Variants in NKAIN2 observed in about 807,000 individuals in gnomAD.
NKAIN2 encodes the protein sodium/potassium transporting ATPase interacting 2.
A neutral mutation model predicts 32.6 loss-of-function variants in NKAIN2; 14 were observed. That is an observed-to-expected ratio of 0.43 (90% confidence interval 0.28 to 0.67). NKAIN2 has a LOEUF of 0.67. Ranked by LOEUF, NKAIN2 falls within the 30% of genes least tolerant of loss-of-function variation. The pLI is 0.17. For synonymous variants in NKAIN2, 80 were observed against 87.2 expected, an observed-to-expected ratio of 0.92 and a Z score of 0.46; for missense variants, 198 against 258.3, an observed-to-expected ratio of 0.77 and a Z score of 1.60.
chr6:124,105,085 A>G (rs1785056738), intron 1 of NKAIN2, among the ~76,000 whole-genome samples: 1 of 152,220 alleles, frequency 6.6e-6, no homozygotes, highest in South Asian at 2.1e-4. Flanking sequence ...TAAAGAATGA[A>G]GTCTGTCATA....
chr6:124,579,212 A>C (rs1781437235), intron 3 of NKAIN2, among the ~76,000 whole-genome samples: 1 of 152,180 alleles, frequency 6.6e-6, no homozygotes, highest in African/African-American at 2.4e-5. Flanking sequence ...AACATCCACA[A>C]GCATCATGAC....
rs187023707 is a variant in NKAIN2, at chr6:124,806,165, G to C, written c.536-12222G>C. On this transcript the variant is annotated intron_variant, in intron 5 of 6. Coordinates refer to ENST00000368417, the MANE Select transcript of NKAIN2 (RefSeq NM_001040214.3). Reference sequence around the variant, plus strand: ...ACCACAAAGATACTCCTCGAGAAGAGCAACTCCAAGACATATAATTGTCAG... The same window carrying C: ...ACCACAAAGATACTCCTCGAGAAGACCAACTCCAAGACATATAATTGTCAG... Among the ~76,000 whole-genome samples the C allele has an allele frequency of 2.6e-5, 4 of 152,168 alleles. No homozygotes were observed. The East Asian group carries it at 7.7e-4, about 29-fold the overall frequency.
chr6:124,770,125 A>G (rs567018995), intron 4 of NKAIN2, among the ~76,000 whole-genome samples: 2 of 152,322 alleles, frequency 1.3e-5, no homozygotes, highest in Non-Finnish European at 2.9e-5. Context: ...TTGCTTTAAC[A>G]GGAGAAAAGG....
chr6:124,260,256 A>G (rs1373680670), intron 1 of NKAIN2, among the ~76,000 whole-genome samples: 1 of 152,202 alleles, frequency 6.6e-6, no homozygotes, highest in Non-Finnish European at 1.5e-5. Flanking sequence ...AGGAGCTTAC[A>G]TCCTAGTGGG....
intron 1 of NKAIN2, among the ~76,000 whole-genome samples, chr6:124,012,282 T>A (rs1342864952): frequency 6.6e-6 from 1 of 152,014 alleles, no homozygotes; most frequent in Non-Finnish European, 1.5e-5. Flanking sequence ...TTCTAGGATT[T>A]TATATAAATA....
At chr6:124,556,555 A>C (rs929640991) in intron 3 of NKAIN2, among the ~76,000 whole-genome samples, 1 of 152,232 alleles carries the variant, frequency 6.6e-6, no homozygotes, top group South Asian at 2.1e-4. Flanking sequence ...CCACCATTGG[A>C]TGATGCTCAC....
intron 3 of NKAIN2, among the ~76,000 whole-genome samples, chr6:124,374,230 CTT>C: frequency 6.6e-6 from 1 of 151,848 alleles, no homozygotes; most frequent in African/African-American, 2.4e-5. Context: ...TTAGGAAACT[CTT>C]TTAATTGCTT....
chr6:124,591,904 G>A (rs1781927280), intron 3 of NKAIN2, among the ~76,000 whole-genome samples: 1 of 152,142 alleles, frequency 6.6e-6, no homozygotes, highest in Non-Finnish European at 1.5e-5. Context: ...GAAGAGGAAA[G>A]AATTGAGCAG....
chr6:124,659,669 A>G (rs540204591), intron 4 of NKAIN2, among the ~76,000 whole-genome samples: 1 of 152,264 alleles, frequency 6.6e-6, no homozygotes, highest in South Asian at 2.1e-4. Flanking sequence ...AGTAGCCAGT[A>G]TCTCCATCAT....
At chr6:124,066,323 A>G (rs1021638989) in intron 1 of NKAIN2, among the ~76,000 whole-genome samples, 2 of 152,146 alleles carry the variant, frequency 1.3e-5, no homozygotes, top group African/African-American at 4.8e-5. Flanking sequence ...GAGCCATGTT[A>G]TCAAGCATTG....
chr6:124,306,860 G>T (rs1796523747), intron 2 of NKAIN2, among the ~76,000 whole-genome samples: 1 of 152,090 alleles, frequency 6.6e-6, no homozygotes, highest in African/African-American at 2.4e-5. Flanking sequence ...ATGCAAGTAA[G>T]CTAAACAATA....
chr6:124,004,707 G>A (rs778169136), intron 1 of NKAIN2, among the ~76,000 whole-genome samples: 2 of 151,782 alleles, frequency 1.3e-5, no homozygotes, highest in Non-Finnish European at 2.9e-5. Context: ...ACCGGGGCCT[G>A]TCAGGTGGTG....
chr6:124,340,728 G>A (rs748253646), intron 2 of NKAIN2, among the ~76,000 whole-genome samples: 3 of 152,062 alleles, frequency 2.0e-5, no homozygotes, highest in Non-Finnish European at 2.9e-5. Context: ...TAACGTTCAA[G>A]TTTCTAATTT....
At chr6:124,585,127 CA>C (rs1317172435) in intron 3 of NKAIN2, among the ~76,000 whole-genome samples, 1 of 152,018 alleles carries the variant, frequency 6.6e-6, no homozygotes, top group African/African-American at 2.4e-5. Flanking sequence ...TGTTCAGCCA[CA>C]AAAAAGAATA....
chr6:124,502,910 G>C (rs532492471), intron 3 of NKAIN2, among the ~76,000 whole-genome samples: 1 of 152,140 alleles, frequency 6.6e-6, no homozygotes, highest in East Asian at 1.9e-4. Context: ...TTATTTACCT[G>C]TTCCAGAATT....
At chr6:123,914,522 A>G (rs1048053486) in intron 1 of NKAIN2, among the ~76,000 whole-genome samples, 15 of 152,088 alleles carry the variant, frequency 9.9e-5, no homozygotes, top group Admixed American at 2.0e-4. Context: ...AGCCACACAA[A>G]GGGTTGGAGC....
At chr6:124,625,532 C>CAATT (rs1182417449) in intron 3 of NKAIN2, among the ~76,000 whole-genome samples, 1 of 151,844 alleles carries the variant, frequency 6.6e-6, no homozygotes, top group Non-Finnish European at 1.5e-5. Flanking sequence ...TGGGATATAG[C>CAATT]AATTAGTATG....
intron 3 of NKAIN2, among the ~76,000 whole-genome samples, chr6:124,655,026 G>A (rs970980054): frequency 6.6e-6 from 1 of 152,110 alleles, no homozygotes; most frequent in Non-Finnish European, 1.5e-5. Flanking sequence ...TGGCTCAGAT[G>A]TCTGTTAAAT....
intron 4 of NKAIN2, among the ~76,000 whole-genome samples, chr6:124,661,755 T>C (rs1373237924): frequency 6.6e-6 from 1 of 152,056 alleles, no homozygotes; most frequent in East Asian, 1.9e-4. Context: ...AGAATACAGA[T>C]GTGCACAGAT....
Sources: gnomAD v4.1 joint callset for allele counts (sites outside exome capture counted in the v4.1 genomes callset) on GRCh38, gnomAD v4.1.1 for gene constraint, MANE v1.5 for transcripts, NCBI Gene and HGNC (gene_info 2026-07-23, HGNC 2026-07-21) for gene names.